The following SH3RF3 variants were observed in gnomAD, a reference collection of about 807,000 sequenced individuals.
SH3RF3 encodes E3 ubiquitin-protein ligase SH3RF3.
In SH3RF3, 29 loss-of-function variants were observed where a neutral mutation model predicts 66.3. The ratio of observed to expected loss-of-function variants is 0.44; its 90% CI spans 0.33 to 0.60. SH3RF3 has a LOEUF of 0.60. Ranked by LOEUF, SH3RF3 falls within the 20% of genes least tolerant of loss-of-function variation. The pLI, the probability that SH3RF3 is intolerant of heterozygous loss-of-function variation, is 0.04. For synonymous variants in SH3RF3, 583 were observed against 532.0 expected (o/e 1.10, Z -1.32); for missense variants, 1,194 against 1,190.9 (o/e 1.00, Z -0.04).
At chr2:109,158,756 G>A (rs940324437) in intron 1 of SH3RF3, among the ~76,000 whole-genome samples, 1 of 152,226 alleles carries the variant, frequency 6.6e-6, no homozygotes, top group African/African-American at 2.4e-5. Context: ...AAGTTGCTAA[G>A]TGTTTCTTTC....
chr2:109,498,521 T>G (rs1679308950), intron 9 of SH3RF3, among the ~76,000 whole-genome samples: 1 of 152,172 alleles, frequency 6.6e-6, no homozygotes, highest in Non-Finnish European at 1.5e-5. Flanking sequence ...CCAGGCTCTG[T>G]GAACACGTGG....
chr2:109,148,218 A>G (rs1677143304), intron 1 of SH3RF3, among the ~76,000 whole-genome samples: 1 of 152,158 alleles, frequency 6.6e-6, no homozygotes, highest in African/African-American at 2.4e-5. Flanking sequence ...ACTCAGGCAA[A>G]TTGGGTACCT....
intron 1 of SH3RF3, among the ~76,000 whole-genome samples, chr2:109,307,141 C>A (rs1366210271): frequency 6.6e-6 from 1 of 152,094 alleles, no homozygotes; most frequent in Non-Finnish European, 1.5e-5. Flanking sequence ...ATAAAAAGTA[C>A]CTGTTGTACT....
Position 109,287,932 on chromosome 2 carries a change from T to G in SH3RF3, c.574-59742T>G, listed in dbSNP as rs116853609. ...GTGCCACCTCTCTACATCCAGGACC[T>G]GCCTGTTCAAATAAGCAAGCCAGAG... On this transcript the variant is annotated intron_variant, in intron 1 of 9. Coordinates refer to ENST00000309415, the MANE Select transcript of SH3RF3 (RefSeq NM_001099289.3). Among the ~76,000 whole-genome samples the G allele has an allele frequency of 8.0e-3, 1,223 of 152,376 alleles. 12 individuals carry two copies. The highest frequency in any genetic ancestry group is 0.038 in the East Asian group (195 of 5,190).
chr2:109,392,312 A>T (rs1053979209), intron 3 of SH3RF3, among the ~76,000 whole-genome samples: 1 of 152,300 alleles, frequency 6.6e-6, no homozygotes, highest in East Asian at 1.9e-4. Flanking sequence ...ATCTCAGAAA[A>T]GGGGTGAGCA....
intron 5 of SH3RF3, among the ~76,000 whole-genome samples, chr2:109,429,113 G>C (rs555959668): frequency 6.6e-6 from 1 of 152,284 alleles, no homozygotes; most frequent in African/African-American, 2.4e-5. Flanking sequence ...AGGTGGGAGG[G>C]AGGCAGGTTG....
At chr2:109,184,025 G>A (rs898024277) in intron 1 of SH3RF3, among the ~76,000 whole-genome samples, 1 of 152,208 alleles carries the variant, frequency 6.6e-6, no homozygotes, top group Non-Finnish European at 1.5e-5. Flanking sequence ...GTGACACGGT[G>A]TGTGTTGAGT....
rs1677265936 is a variant in SH3RF3 at position 109,432,597 on chromosome 2, C to T, written c.1500C>T (p.Gly500=). Residue 500 remains glycine, a synonymous_variant, in exon 6 of 10, where the codon GGC becomes GGT. Coordinates refer to ENST00000309415, the MANE Select transcript of SH3RF3 (RefSeq NM_001099289.3). Reference sequence around the variant, plus strand: ...GGGTCCTCGAGAAGTGTCAGGATGGCTGGTTCAAGGGGGCGTCTCTGAGGA... The same window carrying T: ...GGGTCCTCGAGAAGTGTCAGGATGGTTGGTTCAAGGGGGCGTCTCTGAGGA... ...MYRVLEKCQD[G]WFKGASLRTG... 1 of 1,613,406 alleles carries T rather than the reference C, an allele frequency of 6.2e-7. No homozygotes were observed.
intron 1 of SH3RF3, among the ~76,000 whole-genome samples, chr2:109,234,397 C>T (rs1333686527): frequency 6.6e-6 from 1 of 152,318 alleles, no homozygotes; most frequent in East Asian, 1.9e-4. Flanking sequence ...ATGAAACAGG[C>T]AATTTCTCTA....
chr2:109,371,573 C>A lies in SH3RF3; in HGVS notation c.850-13C>A, dbSNP rs760057451. 2.7e-5 allele frequency: 43 copies of A among 1,612,786 alleles called. No homozygotes were observed. The highest frequency in any genetic ancestry group is 2.3e-4 in the South Asian group (21 of 90,912). On this transcript the variant is annotated splice_polypyrimidine_tract_variant and intron_variant, in intron 2 of 9. Transcript: ENST00000309415. The stretch of plus-strand genomic sequence containing the variant: ...TCCGTATGCTTGTGTCCACGGTGGA[C>A]CCGGAACTGCAGGACGAGATTCTGA...
intron 1 of SH3RF3, among the ~76,000 whole-genome samples, chr2:109,157,313 CT>C (rs1677370214): frequency 6.6e-6 from 1 of 152,206 alleles, no homozygotes; most frequent in Non-Finnish European, 1.5e-5. Context: ...TTCACAGCAC[CT>C]TTTTAAAAAC....
chr2:109,301,639 A>G (rs1204228153), intron 1 of SH3RF3, among the ~76,000 whole-genome samples: 1 of 152,194 alleles, frequency 6.6e-6, no homozygotes, highest in Non-Finnish European at 1.5e-5. Flanking sequence ...ACCTCAGGCC[A>G]TGCCGAGACC....
At chr2:109,427,550 C>T (rs538202683) in intron 5 of SH3RF3, among the ~76,000 whole-genome samples, 1 of 152,270 alleles carries the variant, frequency 6.6e-6, no homozygotes, top group Admixed American at 6.5e-5. Context: ...TAACAAGTTC[C>T]AGGTGAGGCC....
intron 1 of SH3RF3, among the ~76,000 whole-genome samples, chr2:109,306,618 A>G (rs912174647): frequency 6.6e-6 from 1 of 152,226 alleles, no homozygotes; most frequent in Admixed American, 6.5e-5. Flanking sequence ...ACCCACTGTT[A>G]TGCAAGTATC....
At chr2:109,467,218 C>T (rs1230996599) in intron 8 of SH3RF3, among the ~76,000 whole-genome samples, 1 of 152,266 alleles carries the variant, frequency 6.6e-6, no homozygotes, top group East Asian at 1.9e-4. Flanking sequence ...GTGACAGCCT[C>T]AGACTGGAAA....
intron 5 of SH3RF3, among the ~76,000 whole-genome samples, chr2:109,420,466 G>A (rs1008052308): frequency 6.6e-6 from 1 of 152,078 alleles, no homozygotes; most frequent in Non-Finnish European, 1.5e-5. Context: ...TGTTTTTTGA[G>A]ATGGAGTCTT....
intron 1 of SH3RF3, among the ~76,000 whole-genome samples, chr2:109,248,769 T>TC (rs1679982183): frequency 6.6e-6 from 1 of 151,434 alleles, no homozygotes; most frequent in Admixed American, 6.6e-5. Context: ...TCTCTCTCTC[T>TC]TTCTCTTCTT....
intron 1 of SH3RF3, among the ~76,000 whole-genome samples, chr2:109,320,123 T>C (rs1681985992): frequency 6.6e-6 from 1 of 152,206 alleles, no homozygotes; most frequent in African/African-American, 2.4e-5. Context: ...CTAGTGCTCC[T>C]GTAAAGCCTG....
intron 9 of SH3RF3, among the ~76,000 whole-genome samples, chr2:109,491,783 A>G (rs1679136732): frequency 6.6e-6 from 1 of 152,204 alleles, no homozygotes. Context: ...TGCTGAAATA[A>G]TAAAACACAA....
Sources: gnomAD v4.1 joint callset for allele counts (sites outside exome capture counted in the v4.1 genomes callset) on GRCh38, gnomAD v4.1.1 for gene constraint, MANE v1.5 for transcripts, NCBI Gene and HGNC (gene_info 2026-07-23, HGNC 2026-07-21) for gene names.